Variants in SPTBN1 observed in about 807,000 individuals in gnomAD.
SPTBN1 encodes the protein spectrin beta chain, non-erythrocytic 1.
In SPTBN1, 32 loss-of-function variants were observed where a neutral mutation model predicts 266.4. That is an observed-to-expected ratio of 0.12 (90% CI 0.09 to 0.16). SPTBN1 has a LOEUF of 0.16. Among genes scored for constraint, SPTBN1 ranks in the 10% least tolerant of loss-of-function variants. SPTBN1 has a pLI of 1.00. For synonymous variants in SPTBN1, 1,336 were observed against 1,162.2 expected (o/e 1.15, Z -3.04); for missense variants, 2,296 against 3,067.1 (o/e 0.75, Z 5.94).
At chr2:54,564,066 G>T (rs1467295356) in intron 2 of SPTBN1, among the ~76,000 whole-genome samples, 2 of 152,174 alleles carry the variant, frequency 1.3e-5, no homozygotes, top group African/African-American at 4.8e-5. Flanking sequence ...AATACATACT[G>T]CTGGCATGGA....
At chr2:54,615,145 T>G (rs78700501) in intron 4 of SPTBN1, among the ~76,000 whole-genome samples, 1 of 149,136 alleles carries the variant, frequency 6.7e-6, no homozygotes, top group South Asian at 2.1e-4. Context: ...AATTTTTTTT[T>G]AATGTAGTTG....
Position 54,653,524 on chromosome 2 carries a change from T to C in SPTBN1, c.5578-85T>C. ...TTTTGACTCTGTGCTCCCTTTAGTG[T>C]ATGAGCAGAACAGAATAGGGCTTGG... is the stretch of plus-strand genomic sequence containing the variant. On this transcript the variant is annotated intron_variant, in intron 26 of 35. Coordinates refer to ENST00000356805, the MANE Select transcript of SPTBN1 (RefSeq NM_003128.3). The surrounding 1 kb of genome is among the most constrained non-coding windows in gnomAD (Gnocchi z 5.1). The C allele has an allele frequency of 1.3e-6, 2 of 1,545,576 alleles. No individual in the cohort carries two copies. Among genetic ancestry groups the C allele is most frequent in the South Asian group, 1.2e-5 (1 of 82,256 alleles).
chr2:54,477,152 G>T (rs929012749), intron 1 of SPTBN1, among the ~76,000 whole-genome samples: 12 of 152,144 alleles, frequency 7.9e-5, no homozygotes, highest in South Asian at 4.1e-4. Flanking sequence ...TTGTCAAGAG[G>T]TATTAAATAT....
intron 2 of SPTBN1, chr2:54,527,216 C>T (rs116781273): frequency 6.6e-6 from 1 of 152,210 alleles, no homozygotes; most frequent in Admixed American, 6.5e-5. Context: ...GCTCTGAAAA[C>T]TCAGCTGTAC....
chr2:54,625,577 G>C (rs1678268544), intron 11 of SPTBN1, among the ~76,000 whole-genome samples: 1 of 151,930 alleles, frequency 6.6e-6, no homozygotes, highest in Admixed American at 6.6e-5. Context: ...GCGGGAAATA[G>C]GTTTTTTGGT....
rs147963356 is a variant in SPTBN1 at position 54,605,329 on chromosome 2, T to C, written c.300+6086T>C. Reference sequence around the variant, plus strand: ...CCTGTATTCTGGGTTTTTCCTGTACTGTAAAGAGGACGAGCTTTAAGTCCT... The same window carrying C: ...CCTGTATTCTGGGTTTTTCCTGTACCGTAAAGAGGACGAGCTTTAAGTCCT... On this transcript the variant is annotated intron_variant, in intron 3 of 35. Coordinates refer to ENST00000356805, the MANE Select transcript of SPTBN1 (RefSeq NM_003128.3). Among the ~76,000 whole-genome samples, 117 of 152,342 alleles carry C rather than the reference T, an allele frequency of 7.7e-4. 1 individual carries two copies. The highest frequency in any genetic ancestry group is 2.8e-3 in the African/African-American group (116 of 41,580).
chr2:54,495,676 T>TG lies in SPTBN1; in HGVS notation c.-47-30696_-47-30695insG, dbSNP rs1354493291. 9.9e-5 allele frequency among the ~76,000 whole-genome samples: 10 copies of TG among 101,020 alleles called. No individual in the cohort carries two copies. The South Asian group carries it at 1.7e-3, about 17-fold the overall frequency. 66.3% of individuals were successfully genotyped at this position (101,020 alleles called of 152,430 possible). Reference sequence around the variant, plus strand: ...AAATTAGAATCATAATTTGCATGTGTTTTTACCTTTATTTCCTCTGAGCAT... The same window carrying TG: ...AAATTAGAATCATAATTTGCATGTGTGTTTTACCTTTATTTCCTCTGAGCAT... On this transcript the variant is annotated intron_variant, in intron 1 of 35. Coordinates refer to ENST00000356805, the MANE Select transcript of SPTBN1 (RefSeq NM_003128.3).
chr2:54,559,054 C>G (rs1179202775), intron 2 of SPTBN1, among the ~76,000 whole-genome samples: 3 of 152,192 alleles, frequency 2.0e-5, no homozygotes, highest in African/African-American at 4.8e-5. Flanking sequence ...TGCTCATACT[C>G]CACTCCAGAA....
At chr2:54,657,625 A>G (rs923711318) in intron 29 of SPTBN1, among the ~76,000 whole-genome samples, 1 of 152,210 alleles carries the variant, frequency 6.6e-6, no homozygotes, top group Non-Finnish European at 1.5e-5. Flanking sequence ...TATTAAAGTT[A>G]ATTTCACCTA....
chr2:54,488,121 G>A (rs891624544), intron 1 of SPTBN1, among the ~76,000 whole-genome samples: 5 of 151,924 alleles, frequency 3.3e-5, no homozygotes, highest in Admixed American at 6.6e-5. Context: ...GAGTCACTGC[G>A]CCCGGCCCAT....
chr2:54,540,991 C>T lies in SPTBN1; in HGVS notation c.148+14425C>T, dbSNP rs1671901106. Among the ~76,000 whole-genome samples, 1 of 152,202 alleles carries T rather than the reference C, an allele frequency of 6.6e-6. No homozygotes were observed. Among genetic ancestry groups the T allele is most frequent in the Non-Finnish European group, 1.5e-5 (1 of 68,038 alleles). The stretch of plus-strand genomic sequence containing the variant: ...CGTTTTAACTGATGTGTAATTTAAG[C>T]CTTTTTTCCTGTGGTTAATAACAAC... On this transcript the variant is annotated intron_variant, in intron 2 of 35. Transcript: ENST00000356805. The surrounding 1 kb of genome is among the most constrained non-coding windows in gnomAD (Gnocchi z 5.6).
rs1212371824 is a variant in SPTBN1, at chr2:54,645,751, A to C, written c.4495-177A>C. Among the ~76,000 whole-genome samples the C allele has an allele frequency of 6.6e-6, 1 of 150,788 alleles. No homozygotes were observed. The highest frequency in any genetic ancestry group is 1.9e-4 in the East Asian group (1 of 5,136). ...TTGAGGATGAGGTAGAGTTGGAAAG[A>C]CTCTCCCTAGCCCTGTCTCGGAGAA... On this transcript the variant is annotated intron_variant, in intron 21 of 35. Transcript: ENST00000356805. This position sits in a 1 kb window ranked among gnomAD's most constrained non-coding sequence, Gnocchi z 4.3.
At position 54,480,925 on chromosome 2, in the gene SPTBN1, G is replaced by A. The variant is rs1476978760; in HGVS notation, c.-48+24407G>A. The stretch of plus-strand genomic sequence containing the variant: ...TCGGTTTTATAATTGAATTACTTTA[G>A]TAATATTAAATAATTTGGGGAGGGG... On this transcript the variant is annotated intron_variant, in intron 1 of 35. Transcript: ENST00000356805. Among the ~76,000 whole-genome samples, 7 of 152,134 alleles carry A rather than the reference G, an allele frequency of 4.6e-5. No homozygotes were observed. The East Asian group carries it at 1.3e-3, about 29-fold the overall frequency.
chr2:54,553,744 C>T (rs1011521050), intron 2 of SPTBN1, among the ~76,000 whole-genome samples: 2 of 152,198 alleles, frequency 1.3e-5, no homozygotes, highest in African/African-American at 4.8e-5. Context: ...AATCCCATCA[C>T]ATTTTGTCAT....
chr2:54,551,870 G>C lies in SPTBN1; in HGVS notation c.148+25304G>C, dbSNP rs182604670. On this transcript the variant is annotated intron_variant, in intron 2 of 35. Coordinates refer to ENST00000356805, the MANE Select transcript of SPTBN1 (RefSeq NM_003128.3). ...TTTTGAGTCCTGAACTATCAAATCT[G>C]ACAGCCCCACCTCAAATAAACATTG... Among the ~76,000 whole-genome samples the C allele has an allele frequency of 4.2e-4, 64 of 152,074 alleles. 1 individual carries two copies. Among genetic ancestry groups the C allele is most frequent in the Middle Eastern group, 6.8e-3 (2 of 294 alleles).
intron 1 of SPTBN1, among the ~76,000 whole-genome samples, chr2:54,473,982 G>A (rs925418160): frequency 2.0e-5 from 3 of 152,214 alleles, no homozygotes; most frequent in Non-Finnish European, 4.4e-5. Flanking sequence ...GACAGACCCA[G>A]GGTTTTAACT....
chr2:54,610,983 A>G (rs1677169884), intron 3 of SPTBN1, among the ~76,000 whole-genome samples: 1 of 152,232 alleles, frequency 6.6e-6, no homozygotes, highest in South Asian at 2.1e-4. Context: ...ACTTGAGCTC[A>G]TCACAGTAGG....
intron 16 of SPTBN1, 103 bp from the exon 17 acceptor site, chr2:54,632,463 G>A: frequency 8.5e-7 from 1 of 1,179,392 alleles, no homozygotes; most frequent in Non-Finnish European, 1.2e-6. Context: ...TCATGTAAGT[G>A]TAATGAAGAA....
intron 2 of SPTBN1, chr2:54,526,801 C>T: frequency 2.7e-6 from 1 of 376,870 alleles, no homozygotes. Flanking sequence ...TATAGCAATT[C>T]AAGAACAGCT....
Sources: allele counts gnomAD v4.1 joint callset (sites outside exome capture counted in the v4.1 genomes callset), GRCh38; gene constraint gnomAD v4.1.1; non-coding constraint Gnocchi (gnomAD v3.1); transcripts MANE v1.5; gene names NCBI Gene and HGNC (gene_info 2026-07-23, HGNC 2026-07-21).